Variants in MYCBP2 observed in about 807,000 individuals in gnomAD.
MYCBP2 encodes the protein E3 ubiquitin-protein ligase MYCBP2.
A neutral mutation model predicts 525.3 loss-of-function variants in MYCBP2; 120 were observed. That is an observed-to-expected ratio of 0.23 (90% CI 0.20 to 0.27). MYCBP2 has a LOEUF of 0.27. MYCBP2 is among the 10% of genes least tolerant of loss of function. The pLI is 1.00. For missense variants in MYCBP2, 4,149 were observed against 5,657.1 expected (o/e 0.73, Z 8.55); for synonymous variants, 1,894 against 1,955.8 (o/e 0.97, Z 0.83).
At chr13:77,046,206 C>T (rs2035530148) in intron 82 of MYCBP2, among the ~76,000 whole-genome samples, 1 of 152,132 alleles carries the variant, frequency 6.6e-6, no homozygotes, top group Non-Finnish European at 1.5e-5. Context: ...ATGTGCTTCA[C>T]GTCATGGGTT....
intron 46 of MYCBP2, among the ~76,000 whole-genome samples, chr13:77,153,495 T>C (rs1594950396): frequency 6.6e-6 from 1 of 152,228 alleles, no homozygotes; most frequent in Non-Finnish European, 1.5e-5. Context: ...TTTTTATACA[T>C]ACTATTTCAA....
At chr13:77,103,188 C>A (rs1462320413) in intron 55 of MYCBP2, 4 of 397,434 alleles carry the variant, frequency 1.0e-5, no homozygotes, top group Non-Finnish European at 1.8e-5. Context: ...ATGGCCCATC[C>A]ATGAATGCAT....
At chr13:77,270,633 C>A (rs1328833469) in intron 5 of MYCBP2, 95 bp from the exon 6 acceptor site, 2 of 1,247,628 alleles carry the variant, frequency 1.6e-6, no homozygotes, top group African/African-American at 3.0e-5. Flanking sequence ...ATTCATAAGA[C>A]AATAAATTGT....
intron 18 of MYCBP2, among the ~76,000 whole-genome samples, chr13:77,231,210 G>A (rs1594145856): frequency 1.3e-5 from 2 of 152,268 alleles, no homozygotes; most frequent in Middle Eastern, 6.8e-3. Context: ...CTTACAGAGT[G>A]GTTACAAGTA....
intron 13 of MYCBP2, among the ~76,000 whole-genome samples, chr13:77,260,143 G>A (rs2073016177): frequency 6.6e-6 from 1 of 152,198 alleles, no homozygotes; most frequent in African/African-American, 2.4e-5. Context: ...CCAGGGACAT[G>A]TCCCATAAGC....
At chr13:77,051,699 C>G (rs2036855406) in intron 81 of MYCBP2, 112 bp downstream of exon 81, 6 of 689,514 alleles carry the variant, frequency 8.7e-6, no homozygotes, top group Non-Finnish European at 1.2e-5. Context: ...GAACAAATAT[C>G]AGAAAATACT....
rs1157762530 is a variant in MYCBP2, at chr13:77,150,778, T to C, written c.7087A>G (p.Met2363Val). The C allele has an allele frequency of 2.5e-6, 4 of 1,614,176 alleles. No homozygotes were observed. Among genetic ancestry groups the C allele is most frequent in the East Asian group, 4.5e-5 (2 of 44,866 alleles). Residue 2363 changes from methionine (M) to valine (V), a missense_variant, in exon 47 of 83, where the codon ATG (methionine) becomes GTG (valine). Met to Val is a conservative substitution (Grantham distance 21). This residue lies in a region of MYCBP2 where 692 missense variants were observed against 852.7 expected (regional missense o/e 0.81). Transcript: ENST00000544440. The stretch of plus-strand genomic sequence containing the variant: ...ATATATCGAGCTTCCTTCACTATCA[T>C]TGGTTCATATGAAACATCTAGCTTT... Reference protein sequence around the residue: ...SPKLDVSYEPMIVKEARYIAI... With the variant: ...SPKLDVSYEPVIVKEARYIAI...
rs370639868 is a variant in MYCBP2 at position 77,125,466 on chromosome 13, T to A, written c.7887A>T (p.Val2629=). The A allele has an allele frequency of 3.7e-5, 59 of 1,613,088 alleles. No individual in the cohort carries two copies. The African/African-American group carries it at 7.1e-4, about 19-fold the overall frequency. The change falls in exon 54 of 83, where the codon GTA becomes GTT. Residue 2629 remains valine, a splice_region_variant and synonymous_variant. Coordinates refer to ENST00000544440, the MANE Select transcript of MYCBP2 (RefSeq NM_015057.5). ...GCACCCATGTCCCTTCAGAATTGGT[T>A]ACCTGGTACATAACAAAAAGCATGA... ...LGNKVKAVGE[V]TNSEGTWVQL... is the part of the protein sequence containing the mutation.
intron 55 of MYCBP2, among the ~76,000 whole-genome samples, chr13:77,105,441 T>TG (rs2047704054): frequency 6.6e-6 from 1 of 152,062 alleles, no homozygotes. Flanking sequence ...GTTAAGTGAC[T>TG]AAAGAAATTA....
chr13:77,103,604 C>A (rs1002924210), intron 55 of MYCBP2, among the ~76,000 whole-genome samples: 1 of 151,958 alleles, frequency 6.6e-6, no homozygotes, highest in African/African-American at 2.4e-5. Context: ...TTTAGACTTA[C>A]ATTTCTTTGG....
At chr13:77,212,299 A>G (rs1359343744) in intron 21 of MYCBP2, 139 bp from the exon 22 acceptor site, 2 of 614,394 alleles carry the variant, frequency 3.3e-6, no homozygotes, top group Admixed American at 3.5e-5. Context: ...TTTAAAATAA[A>G]TACAATATGT....
At chr13:77,247,025 T>G (rs534159968) in intron 15 of MYCBP2, among the ~76,000 whole-genome samples, 1 of 152,138 alleles carries the variant, frequency 6.6e-6, no homozygotes, top group Non-Finnish European at 1.5e-5. Flanking sequence ...GGTGAGAGAC[T>G]GAAAGCTTTT....
At chr13:77,180,870 C>T (rs1025571618) in intron 33 of MYCBP2, among the ~76,000 whole-genome samples, 6 of 152,060 alleles carry the variant, frequency 3.9e-5, no homozygotes, top group South Asian at 4.1e-4. Flanking sequence ...CAGTAAACTG[C>T]GATGGCACAA....
At chr13:77,226,032 C>T (rs2154296420) in intron 18 of MYCBP2, among the ~76,000 whole-genome samples, 1 of 152,258 alleles carries the variant, frequency 6.6e-6, no homozygotes, top group Middle Eastern at 3.4e-3. Flanking sequence ...GGCTACACTG[C>T]CCATAAGTAT....
At chr13:77,181,218 G>A (rs2060190911) in intron 33 of MYCBP2, among the ~76,000 whole-genome samples, 2 of 152,202 alleles carry the variant, frequency 1.3e-5, no homozygotes, top group Middle Eastern at 3.4e-3. Flanking sequence ...TAATTTAGCT[G>A]ATTTCCAGCA....
intron 1 of MYCBP2, among the ~76,000 whole-genome samples, chr13:77,305,788 C>T (rs1251992566): frequency 1.3e-5 from 2 of 151,936 alleles, no homozygotes; most frequent in African/African-American, 4.8e-5. Context: ...AGAAACAAAA[C>T]ATATGATCAC....
At position 77,096,621 on chromosome 13, in the gene MYCBP2, T is replaced by G. The variant is rs868159675; in HGVS notation, c.9785-140A>C. ...AGTAGATATCTTATTTTTCAGGCTATTAACTATATCAGAAAAATAGCTTAC... is the reference window on the plus strand; with the variant it reads ...AGTAGATATCTTATTTTTCAGGCTAGTAACTATATCAGAAAAATAGCTTAC... On this transcript the variant is annotated intron_variant, in intron 56 of 82. Coordinates refer to ENST00000544440, the MANE Select transcript of MYCBP2 (RefSeq NM_015057.5). 3.3e-5 allele frequency: 29 copies of G among 886,066 alleles called. No homozygotes were observed. The Middle Eastern group carries it at 2.4e-3, about 73-fold the overall frequency. The allele number at this position is 886,066 out of a possible 1,614,324, so 54.9% of individuals were successfully genotyped here.
intron 3 of MYCBP2, among the ~76,000 whole-genome samples, chr13:77,286,093 T>C (rs1313813227): frequency 2.6e-5 from 4 of 152,186 alleles, no homozygotes; most frequent in African/African-American, 9.7e-5. Flanking sequence ...AAGCAAGCCA[T>C]CTGCCGAGAA....
chr13:77,141,440 C>G (rs1168439703), intron 49 of MYCBP2, among the ~76,000 whole-genome samples: 1 of 152,072 alleles, frequency 6.6e-6, no homozygotes, highest in Non-Finnish European at 1.5e-5. Context: ...ATAACAGTAT[C>G]TAACTCACCG....
Sources: allele counts gnomAD v4.1 joint callset (sites outside exome capture counted in the v4.1 genomes callset), GRCh38; gene constraint gnomAD v4.1.1; regional missense constraint gnomAD v4.1.1; transcripts MANE v1.5; gene names NCBI Gene and HGNC (gene_info 2026-07-23, HGNC 2026-07-21).